Variants in RALYL observed in about 807,000 individuals in gnomAD.
The protein encoded by RALYL is RNA-binding Raly-like protein.
In RALYL, 29 loss-of-function variants were observed where a neutral mutation model predicts 35.1. The ratio of observed to expected loss-of-function variants is 0.83; its 90% CI spans 0.61 to 1.13. RALYL has a LOEUF of 1.13. Among genes scored for constraint, RALYL ranks in the 50% most tolerant of loss-of-function variants. The probability of loss-of-function intolerance (pLI) is 0.00; values close to 1 mark genes in which losing one functional copy is unlikely to be tolerated. For missense variants in RALYL, 359 were observed against 360.4 expected (o/e 1.00, Z 0.03); for synonymous variants, 120 against 127.6 (o/e 0.94, Z 0.40).
chr8:84,456,716 A>C (rs887155022), intron 1 of RALYL, among the ~76,000 whole-genome samples: 2 of 152,058 alleles, frequency 1.3e-5, no homozygotes, highest in African/African-American at 4.8e-5. Flanking sequence ...GAGATTCAGA[A>C]GGGGAAAGCA....
At chr8:84,486,271 A>G (rs2054614391) in intron 1 of RALYL, among the ~76,000 whole-genome samples, 1 of 133,098 alleles carries the variant, frequency 7.5e-6, no homozygotes, top group Admixed American at 7.8e-5. Flanking sequence ...AACTTTTGTC[A>G]TGATTATATA....
chr8:84,204,050 T>C (rs188667163), intron 1 of RALYL, among the ~76,000 whole-genome samples: 1 of 152,230 alleles, frequency 6.6e-6, no homozygotes, highest in Non-Finnish European at 1.5e-5. Context: ...TTTTTTGTTT[T>C]TTAAGCCCGT....
chr8:84,572,227 GT>G (rs35798308), intron 2 of RALYL, among the ~76,000 whole-genome samples: 1 of 151,222 alleles, frequency 6.6e-6, no homozygotes, highest in African/African-American at 2.4e-5. Flanking sequence ...TTTGTTGTTT[GT>G]TTTTTGTTTT....
At position 84,315,547 on chromosome 8, in the gene RALYL, T is replaced by C. The variant is rs185147650; in HGVS notation, c.-24+131123T>C. On this transcript the variant is annotated intron_variant, in intron 1 of 8. Transcript: ENST00000521268. ...GTTAGGAAACTTTCACTGAGTAACT[T>C]TGATACGCTTCCTGAATTTTGAACC... 4.0e-5 allele frequency among the ~76,000 whole-genome samples: 6 copies of C among 151,824 alleles called. No homozygotes were observed. In the East Asian group the frequency reaches 1.2e-3, roughly 29 times the overall value.
intron 4 of RALYL, among the ~76,000 whole-genome samples, chr8:84,820,497 A>C (rs1246465639): frequency 6.6e-6 from 1 of 152,146 alleles, no homozygotes; most frequent in Non-Finnish European, 1.5e-5. Flanking sequence ...TATTGTTACC[A>C]GTACTGTTTT....
intron 1 of RALYL, among the ~76,000 whole-genome samples, chr8:84,511,505 G>T (rs553596645): frequency 6.6e-6 from 1 of 152,140 alleles, no homozygotes; most frequent in East Asian, 1.9e-4. Flanking sequence ...TCAATTCAGG[G>T]TATTTAGAAT....
chr8:84,537,392 C>T (rs1457450260), intron 2 of RALYL, among the ~76,000 whole-genome samples: 1 of 151,200 alleles, frequency 6.6e-6, no homozygotes, highest in East Asian at 2.0e-4. Context: ...ATCACCTGAG[C>T]CCGGGAAATT....
chr8:84,775,225 G>C (rs190669736), intron 3 of RALYL, among the ~76,000 whole-genome samples: 1 of 152,220 alleles, frequency 6.6e-6, no homozygotes. Context: ...CAAAGTGCTG[G>C]GATTACAGGC....
intron 1 of RALYL, among the ~76,000 whole-genome samples, chr8:84,261,069 T>C (rs1832172219): frequency 6.6e-6 from 1 of 151,478 alleles, no homozygotes; most frequent in African/African-American, 2.4e-5. Context: ...ATATGGTTTG[T>C]CCCACTAACT....
chr8:84,301,745 T>C (rs1276917882), intron 1 of RALYL, among the ~76,000 whole-genome samples: 2 of 152,130 alleles, frequency 1.3e-5, no homozygotes, highest in Admixed American at 6.6e-5. Flanking sequence ...TAAACTAATA[T>C]TATTTAGTGC....
chr8:84,436,977 A>G lies in RALYL; in HGVS notation c.-23-92322A>G, dbSNP rs563106925. On this transcript the variant is annotated intron_variant, in intron 1 of 8. Transcript: ENST00000521268. The stretch of plus-strand genomic sequence containing the variant: ...GTTGCTGCGATTGAACCTGTCACCC[A>G]AGAAGATAGCATAGTACCCAACAGT... Among the ~76,000 whole-genome samples, 10 of 152,170 alleles carry G rather than the reference A, an allele frequency of 6.6e-5. No individual in the cohort carries two copies. In the East Asian group the frequency reaches 1.7e-3, roughly 27 times the overall value.
intron 3 of RALYL, among the ~76,000 whole-genome samples, chr8:84,780,954 G>A (rs1489205848): frequency 1.3e-5 from 2 of 152,136 alleles, no homozygotes; most frequent in Non-Finnish European, 2.9e-5. Flanking sequence ...CGCCTCCCAG[G>A]TTCGAGTGAT....
At chr8:84,899,513 G>A (rs759063365) in intron 8 of RALYL, among the ~76,000 whole-genome samples, 5 of 152,150 alleles carry the variant, frequency 3.3e-5, no homozygotes, top group Middle Eastern at 3.4e-3. Flanking sequence ...TAATCAGATT[G>A]TGTTCTAAGT....
At chr8:84,306,650 G>T (rs1477217592) in intron 1 of RALYL, among the ~76,000 whole-genome samples, 1 of 152,124 alleles carries the variant, frequency 6.6e-6, no homozygotes, top group East Asian at 1.9e-4. Context: ...TCTCACTTCA[G>T]GACAGCTCTG....
At chr8:84,339,392 G>A (rs1342872253) in intron 1 of RALYL, among the ~76,000 whole-genome samples, 1 of 151,788 alleles carries the variant, frequency 6.6e-6, no homozygotes, top group Non-Finnish European at 1.5e-5. Context: ...TTAATGGCAG[G>A]ATTAGATTCT....
At chr8:84,666,288 C>G (rs1832024849) in intron 2 of RALYL, among the ~76,000 whole-genome samples, 1 of 151,954 alleles carries the variant, frequency 6.6e-6, no homozygotes, top group Non-Finnish European at 1.5e-5. Context: ...TGAAGATGCT[C>G]TATTGAAAAA....
chr8:84,189,476 C>T (rs755245312), intron 1 of RALYL, among the ~76,000 whole-genome samples: 7 of 152,164 alleles, frequency 4.6e-5, no homozygotes, highest in African/African-American at 9.6e-5. Flanking sequence ...GAGTAAGGAA[C>T]GGCTATTTTT....
At chr8:84,574,620 C>G (rs1441952164) in intron 2 of RALYL, among the ~76,000 whole-genome samples, 1 of 152,028 alleles carries the variant, frequency 6.6e-6, no homozygotes, top group Non-Finnish European at 1.5e-5. Flanking sequence ...TGGATGATAT[C>G]ATAGGACATA....
chr8:84,248,102 C>T (rs1477264949), intron 1 of RALYL, among the ~76,000 whole-genome samples: 1 of 151,858 alleles, frequency 6.6e-6, no homozygotes. Context: ...CTTTAATTTG[C>T]TTAGGGGAGG....
Sources: gnomAD v4.1 joint callset for allele counts (sites outside exome capture counted in the v4.1 genomes callset) on GRCh38, gnomAD v4.1.1 for gene constraint, MANE v1.5 for transcripts, NCBI Gene and HGNC (gene_info 2026-07-23, HGNC 2026-07-21) for gene names.